The following ACACA variants were observed in gnomAD, a reference collection of about 807,000 sequenced individuals.
The protein encoded by ACACA is acetyl-CoA carboxylase 1.
Under a neutral mutation model 296.1 loss-of-function variants are expected in ACACA, and 103 were observed. The ratio of observed to expected loss-of-function variants is 0.35; its 90% CI spans 0.30 to 0.41. The LOEUF (loss-of-function observed/expected upper bound fraction) is 0.41, where lower values mean the gene tolerates loss of function less well. ACACA is among the 10% of genes least tolerant of loss of function. ACACA has a pLI of 1.00. For missense variants in ACACA, 1,554 were observed against 2,989.7 expected (o/e 0.52, Z 11.20); for synonymous variants, 953 against 1,038.6 (o/e 0.92, Z 1.58).
intron 52 of ACACA, among the ~76,000 whole-genome samples, chr17:37,104,736 GT>G (rs1363582328): frequency 2.0e-5 from 3 of 152,148 alleles, no homozygotes; most frequent in Non-Finnish European, 4.4e-5. Context: ...GAGGCCAGGA[GT>G]TTGAGACCAG....
intron 42 of ACACA, among the ~76,000 whole-genome samples, chr17:37,161,434 A>G (rs2076456489): frequency 6.6e-6 from 1 of 152,186 alleles, no homozygotes; most frequent in Non-Finnish European, 1.5e-5. Flanking sequence ...GAGGTAAGGG[A>G]TTTTGTTGAT....
chr17:37,380,768 T>C (rs1379014210), intron 1 of ACACA, among the ~76,000 whole-genome samples: 4 of 152,032 alleles, frequency 2.6e-5, no homozygotes, highest in African/African-American at 7.2e-5. Context: ...TGGCTAATTT[T>C]TGTATTTTTA....
intron 3 of ACACA, among the ~76,000 whole-genome samples, chr17:37,302,786 C>T (rs2083690025): frequency 2.0e-5 from 3 of 152,150 alleles, no homozygotes. Flanking sequence ...ATAGATCTTA[C>T]ACCCTGTGAT....
intron 33 of ACACA, among the ~76,000 whole-genome samples, chr17:37,203,032 G>A (rs1375994244): frequency 2.0e-5 from 3 of 150,428 alleles, no homozygotes; most frequent in Admixed American, 6.6e-5. Context: ...GTGCAATCTC[G>A]GCTCACAGCA....
chr17:37,296,761 G>C (rs185353789), intron 3 of ACACA, among the ~76,000 whole-genome samples: 51 of 152,170 alleles, frequency 3.4e-4, no homozygotes, highest in African/African-American at 1.2e-3. Flanking sequence ...CTGTAGCCCA[G>C]GCTGGAGTAC....
intron 3 of ACACA, among the ~76,000 whole-genome samples, chr17:37,329,659 A>T (rs980606399): frequency 6.0e-5 from 8 of 134,440 alleles, no homozygotes; most frequent in Non-Finnish European, 1.2e-4. Context: ...AAAAAAAAAT[A>T]GGCTGGGCGG....
intron 45 of ACACA, among the ~76,000 whole-genome samples, chr17:37,149,213 C>A (rs1409171612): frequency 6.6e-6 from 1 of 152,148 alleles, no homozygotes; most frequent in Non-Finnish European, 1.5e-5. Context: ...GAAGATAAAT[C>A]TTTATGCATA....
At chr17:37,310,767 C>A (rs2084092109) in intron 3 of ACACA, among the ~76,000 whole-genome samples, 1 of 138,658 alleles carries the variant, frequency 7.2e-6, no homozygotes, top group Non-Finnish European at 1.5e-5. Context: ...GCACTCTACC[C>A]TGGGCAACAG....
In ACACA at chr17:37,192,167, C is replaced by T; in HGVS notation, c.4339G>A (p.Val1447Met). The T allele has an allele frequency of 6.2e-7, 1 of 1,614,086 alleles. No individual in the cohort carries two copies. The highest frequency in any genetic ancestry group is 8.5e-7 in the Non-Finnish European group (1 of 1,180,014). The change falls in exon 37 of 56, where the codon GTG becomes ATG. Residue 1447 changes from valine to methionine, a missense_variant. By Grantham distance (21) the Val-to-Met change is conservative. Coordinates refer to ENST00000616317, the MANE Select transcript of ACACA (RefSeq NM_198834.3). ...TCTGTCACTTCTGTGCCCACTTCCA[C>T]CTTGGCTGCCCCGAGATACAGGTGC... ...KMHLYLGAAK[V>M]EVGTEVTDYR...
chr17:37,116,974 C>T (rs1000917459), intron 50 of ACACA, among the ~76,000 whole-genome samples: 7 of 152,156 alleles, frequency 4.6e-5, no homozygotes, highest in African/African-American at 1.7e-4. Context: ...ACTGGAGAGG[C>T]GGGAGCTTGG....
chr17:37,304,182 T>G (rs2083759327), intron 3 of ACACA, among the ~76,000 whole-genome samples: 1 of 152,212 alleles, frequency 6.6e-6, no homozygotes, highest in South Asian at 2.1e-4. Context: ...TTCTCTTTTC[T>G]TATTGAGAAT....
chr17:37,344,375 T>C (rs1198012708), intron 1 of ACACA, among the ~76,000 whole-genome samples: 1 of 151,928 alleles, frequency 6.6e-6, no homozygotes, highest in Non-Finnish European at 1.5e-5. Context: ...CTGGCCAACA[T>C]GGTGAAACCC....
intron 38 of ACACA, among the ~76,000 whole-genome samples, chr17:37,190,496 C>T (rs1326035140): frequency 6.6e-6 from 1 of 152,016 alleles, no homozygotes; most frequent in East Asian, 1.9e-4. Context: ...GTCTTTATTA[C>T]ACTTGGGATA....
At chr17:37,252,191 T>C in intron 15 of ACACA, 83 bp from the exon 16 acceptor site, 1 of 1,118,246 alleles carries the variant, frequency 8.9e-7, no homozygotes, top group Non-Finnish European at 1.4e-6. Flanking sequence ...CTCAAATTTG[T>C]TGTGATGAAA....
At chr17:37,358,617 AG>A (rs1390767807) in intron 1 of ACACA, among the ~76,000 whole-genome samples, 2 of 152,170 alleles carry the variant, frequency 1.3e-5, no homozygotes, top group Non-Finnish European at 2.9e-5. Flanking sequence ...CCCTCTCCCG[AG>A]CCCAGAATCG....
chr17:37,115,423 T>C (rs769432265), intron 50 of ACACA, among the ~76,000 whole-genome samples: 1 of 151,488 alleles, frequency 6.6e-6, no homozygotes, highest in Non-Finnish European at 1.5e-5. Flanking sequence ...AATGATATCA[T>C]ACAAAGAGAG....
At chr17:37,125,167 A>G (rs910689657) in intron 48 of ACACA, among the ~76,000 whole-genome samples, 3 of 152,152 alleles carry the variant, frequency 2.0e-5, no homozygotes, top group Admixed American at 2.0e-4. Context: ...CACTTCAAAA[A>G]TATAGGTATC....
intron 1 of ACACA, among the ~76,000 whole-genome samples, chr17:37,340,445 A>C (rs867175500): frequency 3.9e-5 from 6 of 152,220 alleles, no homozygotes; most frequent in Admixed American, 1.3e-4. Flanking sequence ...GCTTTTAAAA[A>C]TTTTACAAAG....
At chr17:37,188,066 A>G (rs1043749694) in intron 39 of ACACA, among the ~76,000 whole-genome samples, 1 of 152,232 alleles carries the variant, frequency 6.6e-6, no homozygotes, top group Non-Finnish European at 1.5e-5. Context: ...ACAAATGGTT[A>G]AGGGTTTTAT....
Sources: allele counts gnomAD v4.1 joint callset (sites outside exome capture counted in the v4.1 genomes callset), GRCh38; gene constraint gnomAD v4.1.1; transcripts MANE v1.5; gene names NCBI Gene and HGNC (gene_info 2026-07-23, HGNC 2026-07-21).